THSD7B: variants seen among roughly 807,000 people sequenced by gnomAD.
THSD7B encodes the protein thrombospondin type-1 domain-containing protein 7B.
Under a neutral mutation model 213.6 loss-of-function variants are expected in THSD7B, and 138 were observed. The ratio of observed to expected loss-of-function variants is 0.65; its 90% CI spans 0.56 to 0.74. THSD7B has a LOEUF of 0.74. Among genes scored for constraint, THSD7B ranks in the 30% least tolerant of loss-of-function variants. The pLI, the probability that THSD7B is intolerant of heterozygous loss-of-function variation, is 0.00. For missense variants in THSD7B, 1,931 were observed against 1,991.5 expected, an observed-to-expected ratio of 0.97 and a Z score of 0.58; for synonymous variants, 742 against 687.0, an observed-to-expected ratio of 1.08 and a Z score of -1.25.
At chr2:136,911,671 A>G (rs1405905879) in intron 2 of THSD7B, among the ~76,000 whole-genome samples, 1 of 152,184 alleles carries the variant, frequency 6.6e-6, no homozygotes, top group African/African-American at 2.4e-5. Context: ...TTGTATGTGT[A>G]CCTTCTACTC....
chr2:136,774,710 A>G (rs1241447319), intron 1 of THSD7B, among the ~76,000 whole-genome samples: 1 of 152,150 alleles, frequency 6.6e-6, no homozygotes, highest in Non-Finnish European at 1.5e-5. Flanking sequence ...CTTCATAAAG[A>G]AGAACTACCT....
At chr2:137,134,441 C>G (rs971396756) in intron 5 of THSD7B, among the ~76,000 whole-genome samples, 1 of 152,150 alleles carries the variant, frequency 6.6e-6, no homozygotes, top group Non-Finnish European at 1.5e-5. Context: ...AAGGGGTACT[C>G]TGTGCACAAG....
At chr2:136,970,011 T>A (rs1263250143) in intron 2 of THSD7B, among the ~76,000 whole-genome samples, 2 of 152,116 alleles carry the variant, frequency 1.3e-5, no homozygotes, top group Non-Finnish European at 2.9e-5. Context: ...AAGAAAATAT[T>A]TTTTAAAACT....
chr2:137,344,226 A>G (rs1684825400), intron 12 of THSD7B, among the ~76,000 whole-genome samples: 1 of 151,732 alleles, frequency 6.6e-6, no homozygotes, highest in Non-Finnish European at 1.5e-5. Context: ...ATTGTCTTCC[A>G]CAAAACTGGT....
intron 1 of THSD7B, among the ~76,000 whole-genome samples, chr2:136,768,594 T>TC (rs1190206350): frequency 1.3e-5 from 2 of 152,150 alleles, no homozygotes; most frequent in African/African-American, 4.8e-5. Context: ...ATTAAAGAAT[T>TC]CTAAGTAGTG....
At chr2:137,296,478 A>G (rs1225796493) in intron 12 of THSD7B, among the ~76,000 whole-genome samples, 1 of 152,152 alleles carries the variant, frequency 6.6e-6, no homozygotes, top group Non-Finnish European at 1.5e-5. Flanking sequence ...GAAGCTAGGT[A>G]ATTATCTATC....
chr2:136,808,883 G>A lies in THSD7B; in HGVS notation c.-36+43196G>A, dbSNP rs1041319753. On this transcript the variant is annotated intron_variant, in intron 1 of 27. Coordinates refer to ENST00000409968, the MANE Select transcript of THSD7B (RefSeq NM_001316349.2). ...GCTAATTTTCTTTTAGGAGTCAGAA[G>A]TGCCTAAGTTATCTTTTTAAGGTCT... Among the ~76,000 whole-genome samples the A allele has an allele frequency of 3.3e-5, 5 of 152,292 alleles. No individual in the cohort carries two copies. In the South Asian group the frequency reaches 1.0e-3, roughly 32 times the overall value.
At chr2:136,967,953 A>G (rs1483772462) in intron 2 of THSD7B, among the ~76,000 whole-genome samples, 20 of 152,156 alleles carry the variant, frequency 1.3e-4, no homozygotes, top group Admixed American at 1.2e-3. Flanking sequence ...ACGTCGCTGT[A>G]TGTTTTTATT....
intron 5 of THSD7B, among the ~76,000 whole-genome samples, chr2:137,150,943 A>T (rs556264910): frequency 1.3e-5 from 2 of 152,308 alleles, no homozygotes; most frequent in South Asian, 4.1e-4. Flanking sequence ...ACAGTGTAAA[A>T]GATTAAAACC....
chr2:137,239,131 A>C (rs1681843629), intron 9 of THSD7B, among the ~76,000 whole-genome samples: 1 of 152,130 alleles, frequency 6.6e-6, no homozygotes, highest in East Asian at 1.9e-4. Flanking sequence ...CTTCCTTAAC[A>C]CAACCACTTT....
At chr2:137,565,181 T>C (rs1429414495) in intron 16 of THSD7B, among the ~76,000 whole-genome samples, 2 of 152,138 alleles carry the variant, frequency 1.3e-5, no homozygotes, top group Non-Finnish European at 2.9e-5. Context: ...TATGAGAAAA[T>C]AAAGTTCTGT....
intron 15 of THSD7B, among the ~76,000 whole-genome samples, chr2:137,491,921 C>A (rs1679416156): frequency 1.3e-5 from 2 of 152,072 alleles, no homozygotes; most frequent in East Asian, 1.9e-4. Flanking sequence ...TTTTATTAAA[C>A]CATCAGTGAT....
intron 7 of THSD7B, among the ~76,000 whole-genome samples, chr2:137,175,449 C>CGG (rs1197742542): frequency 2.3e-4 from 35 of 152,304 alleles, no homozygotes; most frequent in Non-Finnish European, 4.4e-4. Flanking sequence ...GCCAAAAACA[C>CGG]TCCCTTGCAT....
chr2:137,209,136 G>C (rs1010420134), intron 7 of THSD7B, among the ~76,000 whole-genome samples: 1 of 152,024 alleles, frequency 6.6e-6, no homozygotes, highest in Non-Finnish European at 1.5e-5. Flanking sequence ...GGACAGCTTG[G>C]AGGTTAGAAG....
At chr2:137,302,615 G>A (rs1416586135) in intron 12 of THSD7B, among the ~76,000 whole-genome samples, 1 of 152,078 alleles carries the variant, frequency 6.6e-6, no homozygotes, top group African/African-American at 2.4e-5. Flanking sequence ...CAGAGAAGTG[G>A]GGTAGTAGCT....
chr2:136,834,279 T>C (rs1461992296), intron 1 of THSD7B, among the ~76,000 whole-genome samples: 1 of 152,204 alleles, frequency 6.6e-6, no homozygotes, highest in Non-Finnish European at 1.5e-5. Context: ...TGCACAGTCT[T>C]TCTGCCATAG....
At chr2:136,983,872 T>C (rs1685628139) in intron 2 of THSD7B, among the ~76,000 whole-genome samples, 2 of 152,186 alleles carry the variant, frequency 1.3e-5, no homozygotes, top group South Asian at 4.1e-4. Context: ...GTATGTATCA[T>C]AGCCATGTGG....
chr2:137,509,531 A>G (rs1250375612), intron 15 of THSD7B, among the ~76,000 whole-genome samples: 1 of 151,942 alleles, frequency 6.6e-6, no homozygotes, highest in African/African-American at 2.4e-5. Flanking sequence ...TTTGGTCATT[A>G]TCTGTATATT....
intron 2 of THSD7B, among the ~76,000 whole-genome samples, chr2:136,939,618 A>C (rs960830203): frequency 1.2e-4 from 19 of 152,262 alleles, no homozygotes; most frequent in African/African-American, 4.3e-4. Flanking sequence ...TCTTCCAAGA[A>C]GCCTTCTTTT....
Sources: allele counts gnomAD v4.1 joint callset (sites outside exome capture counted in the v4.1 genomes callset), GRCh38; gene constraint gnomAD v4.1.1; transcripts MANE v1.5; gene names NCBI Gene and HGNC (gene_info 2026-07-23, HGNC 2026-07-21).